The following GBF1 variants were observed in gnomAD, a reference collection of about 807,000 sequenced individuals.
The protein encoded by GBF1 is Golgi-specific brefeldin A-resistance guanine nucleotide exchange factor 1.
GBF1 carries 114 observed loss-of-function variants against 210.5 expected under a neutral mutation model. The ratio of observed to expected loss-of-function variants is 0.54; its 90% CI spans 0.47 to 0.63. GBF1 has a LOEUF of 0.63. Among genes scored for constraint, GBF1 ranks in the 30% least tolerant of loss-of-function variants. The probability of loss-of-function intolerance (pLI) is 0.00; values close to 1 mark genes in which losing one functional copy is unlikely to be tolerated. For synonymous variants in GBF1, 850 were observed against 889.2 expected, an observed-to-expected ratio of 0.96 and a Z score of 0.78; for missense variants, 1,851 against 2,357.7, an observed-to-expected ratio of 0.79 and a Z score of 4.45.
intron 10 of GBF1, 100 bp downstream of exon 10, chr10:102,358,829 G>A (rs2059434117): frequency 1.3e-6 from 1 of 742,622 alleles, no homozygotes; most frequent in Non-Finnish European, 2.2e-6. Flanking sequence ...AAAGAAGCTT[G>A]GGGTAACTTC....
intron 3 of GBF1, among the ~76,000 whole-genome samples, chr10:102,311,782 A>G (rs2078461160): frequency 6.6e-6 from 1 of 152,208 alleles, no homozygotes; most frequent in Non-Finnish European, 1.5e-5. Context: ...CCAAAGTTGA[A>G]CTACTCCAGT....
intron 34 of GBF1, 22 bp from the exon 35 acceptor site, chr10:102,379,499 C>T (rs1262407337): frequency 1.9e-6 from 3 of 1,614,102 alleles, no homozygotes; most frequent in Non-Finnish European, 2.5e-6. Flanking sequence ...CTGAAGGATC[C>T]TGACCCTGCT....
intron 1 of GBF1, among the ~76,000 whole-genome samples, chr10:102,252,371 T>C (rs978024704): frequency 6.1e-5 from 9 of 148,190 alleles, no homozygotes; most frequent in African/African-American, 2.0e-4. Context: ...AATAAATAAA[T>C]AAATAAATAA....
intron 31 of GBF1, 43 bp downstream of exon 31, chr10:102,376,475 C>T (rs764041144): frequency 6.2e-7 from 1 of 1,612,010 alleles, no homozygotes; most frequent in South Asian, 1.1e-5. Context: ...TCCTGCTTGA[C>T]CTGTGGGAAG....
In GBF1 at chr10:102,294,152, A is replaced by G. The variant is rs1253620383; in HGVS notation, c.163+34036A>G. Among the ~76,000 whole-genome samples the G allele has an allele frequency of 5.3e-5, 8 of 152,200 alleles. No individual in the cohort carries two copies. In the East Asian group the frequency reaches 9.7e-4, roughly 18 times the overall value. On this transcript the variant is annotated intron_variant, in intron 3 of 39. Coordinates refer to ENST00000369983, the MANE Select transcript of GBF1 (RefSeq NM_001377137.1). ...TAAAAAAATTTAAAAGTTATAAGGTAAATTATGGTAAGCTAAGGTTAATTA... is the reference window on the plus strand; with the variant it reads ...TAAAAAAATTTAAAAGTTATAAGGTGAATTATGGTAAGCTAAGGTTAATTA...
intron 3 of GBF1, among the ~76,000 whole-genome samples, chr10:102,314,510 G>A (rs373253670): frequency 9.9e-5 from 15 of 152,136 alleles, no homozygotes; most frequent in Admixed American, 7.2e-4. Context: ...TAAGAGTAAC[G>A]GTTCAAATGG....
In GBF1 at chr10:102,361,880, C is replaced by T. The variant is rs774202697; in HGVS notation, c.1654C>T (p.Leu552Phe). ...TGATTGTGACTACTACTGTTCCAACCTCTTTGAGGAACTCACAAAGCTGCT... is the reference window on the plus strand; with the variant it reads ...TGATTGTGACTACTACTGTTCCAACTTCTTTGAGGAACTCACAAAGCTGCT... ...NYDCDYYCSNLFEELTKLLSK... is the reference protein window; with the variant it reads ...NYDCDYYCSNFFEELTKLLSK... Residue 552 changes from leucine to phenylalanine, a missense_variant, in exon 14 of 40, where the codon CTC becomes TTC. Physicochemically the swap from Leu to Phe is conservative, Grantham distance 22. This residue lies in a region of GBF1 where 804 missense variants were observed against 958.6 expected (regional missense o/e 0.84). Transcript: ENST00000369983. 6 of 1,608,798 alleles carry T rather than the reference C, an allele frequency of 3.7e-6. No individual in the cohort carries two copies. Among genetic ancestry groups the T allele is most frequent in the Non-Finnish European group, 5.1e-6 (6 of 1,177,656 alleles).
intron 3 of GBF1, among the ~76,000 whole-genome samples, chr10:102,331,132 C>G (rs761928873): frequency 6.6e-6 from 1 of 152,126 alleles, no homozygotes; most frequent in Non-Finnish European, 1.5e-5. Flanking sequence ...TATCCTCTCT[C>G]TAAGGAGAGG....
intron 12 of GBF1, among the ~76,000 whole-genome samples, chr10:102,360,611 A>G (rs1260061525): frequency 2.0e-5 from 3 of 152,192 alleles, no homozygotes; most frequent in Non-Finnish European, 2.9e-5. Flanking sequence ...CCTGGAAGCA[A>G]TGGACCTCAG....
chr10:102,376,112 A>C (rs902126970), intron 30 of GBF1, among the ~76,000 whole-genome samples, 160 bp from the exon 31 acceptor site: 1 of 151,826 alleles, frequency 6.6e-6, no homozygotes, highest in African/African-American at 2.4e-5. Context: ...CAACAGAGAA[A>C]CTGTTCCGGC....
intron 26 of GBF1, 80 bp from the exon 27 acceptor site, chr10:102,370,094 C>T: frequency 3.3e-6 from 5 of 1,505,106 alleles, no homozygotes; most frequent in Non-Finnish European, 4.6e-6. Flanking sequence ...GCTGACTCTG[C>T]CCTCTCCCCC....
At chr10:102,326,053 C>T (rs905073146) in intron 3 of GBF1, among the ~76,000 whole-genome samples, 1 of 152,196 alleles carries the variant, frequency 6.6e-6, no homozygotes, top group Non-Finnish European at 1.5e-5. Context: ...CGGAAAAGGT[C>T]ATGTCATGCA....
intron 3 of GBF1, among the ~76,000 whole-genome samples, chr10:102,303,655 G>A (rs188569700): frequency 1.5e-4 from 23 of 152,226 alleles, no homozygotes; most frequent in Non-Finnish European, 2.9e-4. Flanking sequence ...CTCACACCAC[G>A]CAGCTTCAGT....
chr10:102,354,349 GC>G (rs1035505581), intron 8 of GBF1, among the ~76,000 whole-genome samples: 1 of 152,080 alleles, frequency 6.6e-6, no homozygotes, highest in Non-Finnish European at 1.5e-5. Flanking sequence ...GTTAAATCGT[GC>G]GTTTGCCTGT....
chr10:102,347,931 T>A (rs1015012797), intron 4 of GBF1, among the ~76,000 whole-genome samples: 1 of 152,108 alleles, frequency 6.6e-6, no homozygotes, highest in Admixed American at 6.6e-5. Context: ...TCTGCCTTTT[T>A]ATTTTTATTT....
intron 3 of GBF1, among the ~76,000 whole-genome samples, chr10:102,307,867 AATAGAGG>A (rs1257611761): frequency 2.0e-5 from 3 of 152,172 alleles, no homozygotes; most frequent in Non-Finnish European, 4.4e-5. Context: ...AGACATTCAC[AATAGAGG>A]ATACCTAAAT....
intron 3 of GBF1, among the ~76,000 whole-genome samples, chr10:102,298,415 A>G (rs1476019048): frequency 1.3e-5 from 2 of 152,212 alleles, no homozygotes; most frequent in Non-Finnish European, 2.9e-5. Context: ...TTATCTCTAT[A>G]TTTGTAGATC....
In GBF1 at chr10:102,317,096, G is replaced by A. The variant is rs1352067887; in HGVS notation, c.164-26955G>A. Among the ~76,000 whole-genome samples, 3 of 152,026 alleles carry A rather than the reference G, an allele frequency of 2.0e-5. No homozygotes were observed. In the East Asian group the frequency reaches 5.8e-4, roughly 29 times the overall value. On this transcript the variant is annotated intron_variant, in intron 3 of 39. Coordinates refer to ENST00000369983, the MANE Select transcript of GBF1 (RefSeq NM_001377137.1). ...GACTCTGTGATTTAGGCTGCCCAGT[G>A]CCCCCTTTTTTTTTCTAACTGGCTT...
intron 3 of GBF1, among the ~76,000 whole-genome samples, chr10:102,289,094 ACT>A (rs1437522180): frequency 3.6e-5 from 5 of 139,702 alleles, no homozygotes; most frequent in South Asian, 2.4e-4. Context: ...CAGAGCAAAG[ACT>A]CTGTCTCAGA....
Sources: allele counts gnomAD v4.1 joint callset (sites outside exome capture counted in the v4.1 genomes callset), GRCh38; gene constraint gnomAD v4.1.1; regional missense constraint gnomAD v4.1.1; transcripts MANE v1.5; gene names NCBI Gene and HGNC (gene_info 2026-07-23, HGNC 2026-07-21).